Variants in NBPF19 observed in about 807,000 individuals in gnomAD.
NBPF19 encodes the protein NBPF member 19.
Under a neutral mutation model 45.9 loss-of-function variants are expected in NBPF19, and 30 were observed. The ratio of observed to expected loss-of-function variants is 0.65; its 90% confidence interval spans 0.49 to 0.89. The LOEUF is 0.89. Among genes scored for constraint, NBPF19 ranks in the 40% least tolerant of loss-of-function variants. The probability of loss-of-function intolerance (pLI) is 0.00; values close to 1 mark genes in which losing one functional copy is unlikely to be tolerated. For synonymous variants in NBPF19, 183 were observed against 181.2 expected (o/e 1.01, Z -0.08); for missense variants, 495 against 471.8 (o/e 1.05, Z -0.46).
chr1:149,554,920 C>A lies in NBPF19; in HGVS notation c.*182C>A, dbSNP rs2087210839. ...CTGTGCTCAGTCTGAAGACAATGGA[C>A]CCACGTTAGGTGTGACACGTTCACA... is the stretch of plus-strand genomic sequence containing the variant. On this transcript the variant is annotated 3_prime_UTR_variant, in exon 94 of 94. Transcript: ENST00000651566. 7.4e-5 allele frequency: 82 copies of A among 1,104,054 alleles called. 1 individual carries two copies. The South Asian group carries it at 1.2e-3, about 16-fold the overall frequency. The allele number at this position is 1,104,054 out of a possible 1,614,324, so 68.4% of individuals were successfully genotyped here.
chr1:149,486,211 A>G lies in NBPF19; in HGVS notation c.906A>G (p.Glu302=), dbSNP rs2101598869. The G allele has an allele frequency of 1.9e-6, 1 of 515,036 alleles. No individual in the cohort carries two copies. Among genetic ancestry groups the G allele is most frequent in the East Asian group, 3.0e-5 (1 of 33,558 alleles). The allele number at this position is 515,036 out of a possible 1,614,324, so 31.9% of individuals were successfully genotyped here. ...ATTCGACTCTCTCAATTCCTCCTGA[A>G]ATGTTGGCCTCGTACCAGTCTTACA... ...EGYSTLSIPP[E]MLASYQSYSS... The change falls in exon 8 of 94, where the codon GAA becomes GAG. Residue 302 remains glutamate, a synonymous_variant. Transcript: ENST00000651566.
At chr1:149,554,329 C>T (rs2087160236) in intron 93 of NBPF19, among the ~76,000 whole-genome samples, 166 bp from the exon 94 acceptor site, 1 of 151,714 alleles carries the variant, frequency 6.6e-6, no homozygotes, top group Non-Finnish European at 1.5e-5. Flanking sequence ...TCTACCTGGC[C>T]CTGTTCTATC....
rs1191059031 is a variant in NBPF19 at position 149,478,791 on chromosome 1, G to T, written c.279-89G>T. 38 of 1,317,384 alleles carry T rather than the reference G, an allele frequency of 2.9e-5. 1 individual carries two copies. In the Admixed American group the frequency reaches 4.9e-4, roughly 17 times the overall value. 81.6% of individuals were successfully genotyped at this position (1,317,384 alleles called of 1,614,324 possible). On this transcript the variant is annotated intron_variant, in intron 3 of 93. Coordinates refer to ENST00000651566, the MANE Select transcript of NBPF19 (RefSeq NM_001351365.2). ...ACCTTCTGCTTGGAGGTCTCCTTGAGGACATTGTCTCAGAAGTCTCTGTTG... is the reference window on the plus strand; with the variant it reads ...ACCTTCTGCTTGGAGGTCTCCTTGATGACATTGTCTCAGAAGTCTCTGTTG...
Position 149,555,996 on chromosome 1 carries a change from G to C in NBPF19, c.*1258G>C, listed in dbSNP as rs2087241529. On this transcript the variant is annotated 3_prime_UTR_variant, in exon 94 of 94. Coordinates refer to ENST00000651566, the MANE Select transcript of NBPF19 (RefSeq NM_001351365.2). Reference sequence around the variant, plus strand: ...ACACCTTACTTATAATGAAGTACTTGGGAAAGCGGTTTTCAAGAGTATAAA... The same window carrying C: ...ACACCTTACTTATAATGAAGTACTTCGGAAAGCGGTTTTCAAGAGTATAAA... 1 of 142,886 alleles carries C rather than the reference G, an allele frequency of 7.0e-6. No individual in the cohort carries two copies. The highest frequency in any genetic ancestry group is 1.5e-5 in the Non-Finnish European group (1 of 64,764). The allele number at this position is 142,886 out of a possible 1,614,324, so 8.9% of individuals were successfully genotyped here. A position where few individuals can be genotyped will look rare whatever the true frequency, so the allele number is the denominator to read the frequency against.
At chr1:149,491,411 T>C in intron 14 of NBPF19, 100 bp downstream of exon 14, 1 of 135,546 alleles carries the variant, frequency 7.4e-6, no homozygotes. Flanking sequence ...AGAGATGTCG[T>C]TGCCGCAGTG....
At position 149,554,902 on chromosome 1, in the gene NBPF19, C is replaced by G; in HGVS notation, c.*164C>G. 1 of 1,331,432 alleles carries G rather than the reference C, an allele frequency of 7.5e-7. No homozygotes were observed. The allele number at this position is 1,331,432 out of a possible 1,614,324, so 82.5% of individuals were successfully genotyped here. On this transcript the variant is annotated 3_prime_UTR_variant, in exon 94 of 94. Transcript: ENST00000651566. ...AACCATGCCAGTGGCAACCTGTGCT[C>G]AGTCTGAAGACAATGGACCCACGTT... is the stretch of plus-strand genomic sequence containing the variant.
intron 43 of NBPF19, among the ~76,000 whole-genome samples, chr1:149,514,733 G>GTC (rs2086346335): frequency 1.3e-5 from 1 of 76,112 alleles, no homozygotes; most frequent in Non-Finnish European, 2.8e-5. Context: ...GTGTGTGTGT[G>GTC]TGTGTCTATC....
chr1:149,478,103 A>G (rs2084950033), intron 3 of NBPF19, 56 bp downstream of exon 3: 2 of 1,223,474 alleles, frequency 1.6e-6, no homozygotes, highest in South Asian at 2.4e-5. Flanking sequence ...TCTCTGAAGT[A>G]CAGCAGCTCG....
At chr1:149,477,487 A>G (rs1447733940) in intron 2 of NBPF19, among the ~76,000 whole-genome samples, 1 of 151,302 alleles carries the variant, frequency 6.6e-6, no homozygotes, top group South Asian at 2.1e-4. Flanking sequence ...AAAATGAAAT[A>G]TTTTTAAAGT....
Position 149,491,093 on chromosome 1 carries a change from G to T in NBPF19, c.1491-46G>T. ...TGAAACCTAGTTGGGGCTCTGTTGT[G>T]TGTGATTTCCCCTGGCTTATTCTTT... On this transcript the variant is annotated intron_variant, in intron 13 of 93. Transcript: ENST00000651566. The T allele has an allele frequency of 2.6e-5, 6 of 227,062 alleles. 1 individual carries two copies. The highest frequency in any genetic ancestry group is 1.1e-4 in the South Asian group (4 of 37,106). The allele number at this position is 227,062 out of a possible 1,614,324, so 14.1% of individuals were successfully genotyped here. A position where few individuals can be genotyped will look rare whatever the true frequency, so the allele number is the denominator to read the frequency against.
intron 3 of NBPF19, 62 bp downstream of exon 3, chr1:149,478,109 G>C (rs1233558448): frequency 6.9e-6 from 8 of 1,165,626 alleles, no homozygotes; most frequent in African/African-American, 3.4e-5. Flanking sequence ...AAGTACAGCA[G>C]CTCGGCGGGG....
chr1:149,479,866 G>A (rs1225014821), intron 4 of NBPF19, among the ~76,000 whole-genome samples: 14 of 150,856 alleles, frequency 9.3e-5, no homozygotes, highest in East Asian at 5.8e-4. Flanking sequence ...AGCTGCCAAC[G>A]TCCAGAGAGA....
At chr1:149,487,140 G>A (rs1427690794) in intron 8 of NBPF19, among the ~76,000 whole-genome samples, 192 bp from the exon 9 acceptor site, 7 of 150,936 alleles carry the variant, frequency 4.6e-5, no homozygotes, top group Admixed American at 4.0e-4. Flanking sequence ...GGGGAATTTT[G>A]CCCAAGGCTC....
chr1:149,487,392 G>C lies in NBPF19; in HGVS notation c.1040+9G>C, dbSNP rs2085598156. On this transcript the variant is annotated intron_variant, in intron 9 of 93. Transcript: ENST00000651566. ...GAGGCAACAGGTCCCAGGTGAGTCT[G>C]AGAAATTGTGGACAGTTAATTTGAT... 4.1e-6 allele frequency: 6 copies of C among 1,469,018 alleles called. No individual in the cohort carries two copies. Among genetic ancestry groups the C allele is most frequent in the Non-Finnish European group, 5.6e-6 (6 of 1,062,026 alleles). The allele number at this position is 1,469,018 out of a possible 1,614,324, so 91.0% of individuals were successfully genotyped here. A position where few individuals can be genotyped will look rare whatever the true frequency, so the allele number is the denominator to read the frequency against.
At chr1:149,494,018 G>A (rs1259386763) in intron 17 of NBPF19, among the ~76,000 whole-genome samples, 345 of 97,018 alleles carry the variant, frequency 3.6e-3, no homozygotes, top group Non-Finnish European at 4.5e-3. Flanking sequence ...TGTGTGTCCC[G>A]AGGGCACTAA....
At position 149,477,735 on chromosome 1, in the gene NBPF19, T is replaced by A. The variant is rs1224276523; in HGVS notation, c.176-210T>A. 6.3e-4 allele frequency among the ~76,000 whole-genome samples: 95 copies of A among 151,406 alleles called. 1 individual carries two copies. Among genetic ancestry groups the A allele is most frequent in the African/African-American group, 2.2e-3 (90 of 41,284 alleles). ...TCTTGTCAACTTCCTTGATGCGCCCTTGAGTTTCTCTTTCTTCGTCTTTAA... is the reference window on the plus strand; with the variant it reads ...TCTTGTCAACTTCCTTGATGCGCCCATGAGTTTCTCTTTCTTCGTCTTTAA... On this transcript the variant is annotated intron_variant, in intron 2 of 93. Transcript: ENST00000651566.
chr1:149,554,351 G>C, intron 93 of NBPF19, 144 bp from the exon 94 acceptor site: 1 of 1,492,658 alleles, frequency 6.7e-7, no homozygotes, highest in Non-Finnish European at 9.1e-7. Context: ...CAACATAAAG[G>C]CAATAAATTT....
chr1:149,527,090 G>A, intron 59 of NBPF19, 77 bp downstream of exon 59: 1 of 142,540 alleles, frequency 7.0e-6, no homozygotes, highest in South Asian at 3.6e-5. Flanking sequence ...ACAAGAGTGT[G>A]TTCAATTTCA....
At chr1:149,480,363 G>A (rs2085102396) in intron 5 of NBPF19, 149 bp downstream of exon 5, 1 of 885,108 alleles carries the variant, frequency 1.1e-6, no homozygotes, top group African/African-American at 1.7e-5. Flanking sequence ...GACACAGGGT[G>A]CGGTAGCTGT....
Sources: gnomAD v4.1 joint callset for allele counts (sites outside exome capture counted in the v4.1 genomes callset) on GRCh38, gnomAD v4.1.1 for gene constraint, MANE v1.5 for transcripts, NCBI Gene and HGNC (gene_info 2026-07-23, HGNC 2026-07-21) for gene names.